Variants in ATG10 observed in about 807,000 individuals in gnomAD.
ATG10 encodes autophagy related 10, also known as ubiquitin-like-conjugating enzyme ATG10.
In ATG10, 30 loss-of-function variants were observed where a neutral mutation model predicts 32.1. The ratio of observed to expected loss-of-function variants is 0.94; its 90% CI spans 0.70 to 1.27. ATG10 has a LOEUF of 1.27. Ranked by LOEUF, ATG10 falls within the 50% of genes most tolerant of loss-of-function variation. The pLI, the probability that ATG10 is intolerant of heterozygous loss-of-function variation, is 0.00. For synonymous variants in ATG10, 87 were observed against 91.5 expected (o/e 0.95, Z 0.28); for missense variants, 233 against 262.3 (o/e 0.89, Z 0.77).
At chr5:82,051,998 G>GT (rs964529539) in intron 2 of ATG10, among the ~76,000 whole-genome samples, 2 of 152,088 alleles carry the variant, frequency 1.3e-5, no homozygotes, top group Admixed American at 1.3e-4. Context: ...TGTGGCCTAG[G>GT]TTTGACCTAT....
At chr5:82,216,549 T>C (rs553650766) in intron 5 of ATG10, among the ~76,000 whole-genome samples, 3 of 152,288 alleles carry the variant, frequency 2.0e-5, no homozygotes, top group East Asian at 1.9e-4. Context: ...CTGAGCAACT[T>C]GTGAGACTTC....
chr5:82,114,839 C>T (rs2149818298), intron 3 of ATG10, among the ~76,000 whole-genome samples: 1 of 152,094 alleles, frequency 6.6e-6, no homozygotes, highest in Middle Eastern at 3.4e-3. Flanking sequence ...GAATTTCCTG[C>T]AGTTATGTAA....
At chr5:81,982,593 C>T (rs1399705209) in intron 1 of ATG10, among the ~76,000 whole-genome samples, 1 of 145,810 alleles carries the variant, frequency 6.9e-6, no homozygotes, top group Non-Finnish European at 1.5e-5. Flanking sequence ...ATTGATCATT[C>T]TTGGGTGTTT....
intron 3 of ATG10, among the ~76,000 whole-genome samples, 197 bp from the exon 4 acceptor site, chr5:82,164,202 C>T (rs565295004): frequency 6.6e-6 from 1 of 152,162 alleles, no homozygotes; most frequent in Admixed American, 6.5e-5. Context: ...TTACTTAATG[C>T]TAATGTTTTC....
chr5:81,986,914 G>C (rs947949829), intron 1 of ATG10, among the ~76,000 whole-genome samples: 3 of 151,958 alleles, frequency 2.0e-5, no homozygotes, highest in Admixed American at 1.3e-4. Flanking sequence ...GTGGTGGCTT[G>C]CAACTGTAAT....
chr5:82,166,615 C>T (rs1349568241), intron 4 of ATG10, among the ~76,000 whole-genome samples: 1 of 151,942 alleles, frequency 6.6e-6, no homozygotes, highest in Non-Finnish European at 1.5e-5. Context: ...ATTTATTCCC[C>T]CCCCAGTCTT....
intron 3 of ATG10, among the ~76,000 whole-genome samples, chr5:82,144,251 C>G (rs1767260179): frequency 6.6e-6 from 1 of 151,572 alleles, no homozygotes; most frequent in African/African-American, 2.4e-5. Flanking sequence ...TTCATCAGTT[C>G]AATTAATCTT....
intron 3 of ATG10, among the ~76,000 whole-genome samples, chr5:82,133,337 C>G (rs1370633425): frequency 6.6e-6 from 1 of 152,034 alleles, no homozygotes; most frequent in Non-Finnish European, 1.5e-5. Flanking sequence ...ATAGTATTGC[C>G]TAGGTTTTCT....
At chr5:82,037,559 T>C (rs1040737503) in intron 2 of ATG10, among the ~76,000 whole-genome samples, 3 of 151,936 alleles carry the variant, frequency 2.0e-5, no homozygotes, top group Admixed American at 2.0e-4. Flanking sequence ...ATTTACTTTT[T>C]ATGTCTAATG....
intron 5 of ATG10, among the ~76,000 whole-genome samples, chr5:82,244,131 G>A (rs978569856): frequency 6.6e-6 from 1 of 152,088 alleles, no homozygotes; most frequent in Non-Finnish European, 1.5e-5. Flanking sequence ...AATCTGAGTT[G>A]GGCTGTTTGG....
intron 2 of ATG10, among the ~76,000 whole-genome samples, chr5:82,037,457 C>T (rs900550799): frequency 6.7e-6 from 1 of 149,954 alleles, no homozygotes; most frequent in Non-Finnish European, 1.5e-5. Context: ...CCGTTTTAGC[C>T]GGGATGGTCT....
chr5:82,200,812 T>C (rs983716303), intron 5 of ATG10, among the ~76,000 whole-genome samples: 6 of 151,374 alleles, frequency 4.0e-5, no homozygotes, highest in Admixed American at 6.6e-5. Flanking sequence ...TAACAGTTTT[T>C]CACAGAGTGA....
At chr5:82,037,579 A>G (rs890154682) in intron 2 of ATG10, among the ~76,000 whole-genome samples, 1 of 152,052 alleles carries the variant, frequency 6.6e-6, no homozygotes, top group African/African-American at 2.4e-5. Context: ...GTTGAACTGT[A>G]GTCATGATAG....
intron 1 of ATG10, chr5:81,973,130 T>C (rs1296084175): frequency 1.3e-5 from 2 of 152,128 alleles, no homozygotes. Flanking sequence ...TATTAGCCAT[T>C]TTTCTTTTCT....
chr5:81,985,503 G>T (rs79336656), intron 1 of ATG10, among the ~76,000 whole-genome samples: 1 of 151,960 alleles, frequency 6.6e-6, no homozygotes, highest in South Asian at 2.1e-4. Flanking sequence ...GACATTCCAC[G>T]GGCATTTGAA....
intron 5 of ATG10, among the ~76,000 whole-genome samples, chr5:82,232,865 A>G (rs1278413252): frequency 1.3e-5 from 2 of 152,190 alleles, no homozygotes; most frequent in African/African-American, 2.4e-5. Context: ...CCCCAGGGCT[A>G]TCAAGCCACT....
chr5:82,129,551 G>C (rs1002180294), intron 3 of ATG10, among the ~76,000 whole-genome samples: 3 of 152,100 alleles, frequency 2.0e-5, no homozygotes, highest in Non-Finnish European at 4.4e-5. Flanking sequence ...TTTTGTTGAT[G>C]TTGATGCTAT....
chr5:82,251,998 C>G (rs1412260596), intron 5 of ATG10, among the ~76,000 whole-genome samples: 1 of 152,060 alleles, frequency 6.6e-6, no homozygotes, highest in Non-Finnish European at 1.5e-5. Flanking sequence ...GAGAGAGAGA[C>G]AAACAGAAGT....
At chr5:82,101,394 C>A (rs2149803936) in intron 3 of ATG10, among the ~76,000 whole-genome samples, 1 of 152,174 alleles carries the variant, frequency 6.6e-6, no homozygotes. Flanking sequence ...AGAAGGCTTT[C>A]CAGAATTCCC....
Sources: gnomAD v4.1 joint callset for allele counts (sites outside exome capture counted in the v4.1 genomes callset) on GRCh38, gnomAD v4.1.1 for gene constraint, MANE v1.5 for transcripts, NCBI Gene and HGNC (gene_info 2026-07-23, HGNC 2026-07-21) for gene names.